The following CTCF variants were observed in gnomAD, a reference collection of about 807,000 sequenced individuals.
CTCF encodes the protein CCCTC-binding factor.
In CTCF, 7 loss-of-function variants were observed where a neutral mutation model predicts 72.3. The ratio of observed to expected loss-of-function variants is 0.10; its 90% CI spans 0.06 to 0.18. The LOEUF (loss-of-function observed/expected upper bound fraction) is 0.18, where lower values mean the gene tolerates loss of function less well. CTCF is among the 10% of genes least tolerant of loss of function. The pLI is 1.00. For synonymous variants in CTCF, 374 were observed against 315.8 expected, an observed-to-expected ratio of 1.18 and a Z score of -1.95; for missense variants, 516 against 949.1, an observed-to-expected ratio of 0.54 and a Z score of 6.00.
At chr16:67,603,858 G>A (rs1157195250) in intron 2 of CTCF, among the ~76,000 whole-genome samples, 4 of 151,124 alleles carry the variant, frequency 2.6e-5, no homozygotes, top group Non-Finnish European at 1.5e-5. Context: ...GCCAGGCACG[G>A]TGGTTTATGC....
chr16:67,566,275 G>A (rs574126100), intron 1 of CTCF, among the ~76,000 whole-genome samples: 9 of 151,976 alleles, frequency 5.9e-5, no homozygotes, highest in East Asian at 2.0e-4. Context: ...AGGCTGAGGC[G>A]GGCGGATCAC....
At chr16:67,581,409 G>A (rs536704235) in intron 2 of CTCF, among the ~76,000 whole-genome samples, 1 of 150,972 alleles carries the variant, frequency 6.6e-6, no homozygotes, top group East Asian at 1.9e-4. Flanking sequence ...TGCTACCTCT[G>A]CCTCCTGGGG....
intron 7 of CTCF, among the ~76,000 whole-genome samples, chr16:67,626,210 CG>C (rs1567614954): frequency 6.6e-6 from 1 of 151,762 alleles, no homozygotes; most frequent in African/African-American, 2.4e-5. Flanking sequence ...GAGGCCGAGG[CG>C]GGCAGATCAC....
At position 67,611,964 on chromosome 16, in the gene CTCF, A is replaced by C. The variant is rs377478026; in HGVS notation, c.795A>C (p.Thr265=). ...TTTTGCACATAGGTGTAAAGAAGAC[A>C]TTCCAGTGTGAGCTTTGCAGTTACA... ...TKIKKKGVKK[T]FQCELCSYTC... is the part of the protein sequence containing the mutation. Residue 265 remains threonine (T), a synonymous_variant, in exon 4 of 12, where the codon ACA becomes ACC. Coordinates refer to ENST00000264010, the MANE Select transcript of CTCF (RefSeq NM_006565.4). 3.1e-5 allele frequency: 50 copies of C among 1,614,080 alleles called. 1 individual carries two copies. The highest frequency in any genetic ancestry group is 1.6e-4 in the East Asian group (7 of 44,900).
At chr16:67,628,219 C>CT in intron 8 of CTCF, 151 bp from the exon 9 acceptor site, 1 of 670,226 alleles carries the variant, frequency 1.5e-6, no homozygotes, top group South Asian at 2.0e-5. Context: ...GACCCTGTCT[C>CT]TAAATATATA....
chr16:67,620,645 T>A (rs200199276), intron 5 of CTCF, 52 bp from the exon 6 acceptor site: 155 of 1,459,494 alleles, frequency 1.1e-4, no homozygotes, highest in Non-Finnish European at 1.4e-4. Context: ...ACTGTGCTCT[T>A]GTTACAGTCT....
At chr16:67,618,485 A>T (rs2052162044) in intron 5 of CTCF, among the ~76,000 whole-genome samples, 1 of 152,258 alleles carries the variant, frequency 6.6e-6, no homozygotes, top group Non-Finnish European at 1.5e-5. Flanking sequence ...TATTTCCATT[A>T]AAATCTGGAA....
intron 11 of CTCF, among the ~76,000 whole-genome samples, chr16:67,637,423 T>A (rs1202707105): frequency 6.6e-6 from 1 of 152,130 alleles, no homozygotes; most frequent in Admixed American, 6.5e-5. Flanking sequence ...TCCCATCTAC[T>A]CAGGAGGCTG....
chr16:67,568,340 A>G (rs1227986138), intron 1 of CTCF: 1 of 151,224 alleles, frequency 6.6e-6, no homozygotes, highest in Non-Finnish European at 1.5e-5. Context: ...TCGACCTCCC[A>G]AAGTGCTGGG....
intron 2 of CTCF, among the ~76,000 whole-genome samples, chr16:67,587,530 GTTT>G (rs78569944): frequency 6.9e-6 from 1 of 144,296 alleles, no homozygotes; most frequent in Admixed American, 7.0e-5. Flanking sequence ...TTTCTGCAGG[GTTT>G]TTTTTTTTTC....
At chr16:67,608,222 GCTGAGGCAGGAGAATGGCGTGAAC>G (rs1456866439) in intron 2 of CTCF, among the ~76,000 whole-genome samples, 59 of 151,870 alleles carry the variant, frequency 3.9e-4, no homozygotes, top group African/African-American at 1.3e-3. Flanking sequence ...TACTCGGGAG[GCTGAGGCAGGAGAATGGCGTGAAC>G]CTGGGAGGCG....
At chr16:67,615,687 C>T (rs1211945314) in intron 4 of CTCF, 1 of 152,164 alleles carries the variant, frequency 6.6e-6, no homozygotes, top group Non-Finnish European at 1.5e-5. Context: ...TTATCCATAC[C>T]ACCAGACTAT....
chr16:67,579,670 G>T (rs2051554036), intron 2 of CTCF, among the ~76,000 whole-genome samples: 1 of 152,158 alleles, frequency 6.6e-6, no homozygotes, highest in Non-Finnish European at 1.5e-5. Context: ...TGGGATTACA[G>T]GTATGAGCCA....
chr16:67,603,458 G>A (rs368430170), intron 2 of CTCF, among the ~76,000 whole-genome samples: 6 of 150,914 alleles, frequency 4.0e-5, no homozygotes, highest in South Asian at 2.1e-4. Flanking sequence ...GCATGAACCC[G>A]GGAGGCGGAG....
intron 1 of CTCF, chr16:67,564,046 G>T (rs1205467163): frequency 6.6e-6 from 1 of 152,216 alleles, no homozygotes; most frequent in Non-Finnish European, 1.5e-5. Context: ...GTAGCCCCGA[G>T]TTCAGCGTTA....
chr16:67,567,563 C>T (rs2051359526), intron 1 of CTCF, among the ~76,000 whole-genome samples: 2 of 152,002 alleles, frequency 1.3e-5, no homozygotes, highest in Admixed American at 6.6e-5. Flanking sequence ...CCTCATGTGC[C>T]AAATTGCTTG....
intron 2 of CTCF, among the ~76,000 whole-genome samples, chr16:67,577,200 C>T (rs758950989): frequency 2.0e-5 from 3 of 151,544 alleles, no homozygotes; most frequent in Non-Finnish European, 4.4e-5. Context: ...GGGCGGATCA[C>T]GAGGTCAGGA....
chr16:67,603,161 A>T (rs956401897), intron 2 of CTCF, among the ~76,000 whole-genome samples: 1 of 151,950 alleles, frequency 6.6e-6, no homozygotes, highest in Non-Finnish European at 1.5e-5. Flanking sequence ...GTAGTCTAAG[A>T]TGGGACAATA....
At chr16:67,565,973 T>C (rs1394197317) in intron 1 of CTCF, among the ~76,000 whole-genome samples, 1 of 152,162 alleles carries the variant, frequency 6.6e-6, no homozygotes, top group Non-Finnish European at 1.5e-5. Flanking sequence ...AGACTGCTTT[T>C]TTTGCTTCAG....
Sources: allele counts gnomAD v4.1 joint callset (sites outside exome capture counted in the v4.1 genomes callset), GRCh38; gene constraint gnomAD v4.1.1; transcripts MANE v1.5; gene names NCBI Gene and HGNC (gene_info 2026-07-23, HGNC 2026-07-21).